Variants in CFAP58 observed in about 807,000 individuals in gnomAD.
CFAP58 encodes cilia and flagella associated protein 58.
Under a neutral mutation model 119.5 loss-of-function variants are expected in CFAP58, and 88 were observed. That is an observed-to-expected ratio of 0.74 (90% confidence interval 0.62 to 0.88). CFAP58 has a LOEUF of 0.88. CFAP58 is among the 40% of genes least tolerant of loss of function. The pLI, the probability that CFAP58 is intolerant of heterozygous loss-of-function variation, is 0.00. For missense variants in CFAP58, 990 were observed against 1,021.2 expected, an observed-to-expected ratio of 0.97 and a Z score of 0.42; for synonymous variants, 365 against 366.3, an observed-to-expected ratio of 1.00 and a Z score of 0.04.
chr10:104,435,436 T>C (rs2012917590), intron 15 of CFAP58, among the ~76,000 whole-genome samples: 2 of 152,160 alleles, frequency 1.3e-5, no homozygotes, highest in South Asian at 4.1e-4. Flanking sequence ...GAGCCAAGAT[T>C]GTGCCACAGC....
intron 1 of CFAP58, 79 bp from the exon 2 acceptor site, chr10:104,358,262 G>T: frequency 1.4e-6 from 2 of 1,421,456 alleles, no homozygotes; most frequent in East Asian, 4.7e-5. Flanking sequence ...GTTTCATTCA[G>T]AGGTAATAGC....
intron 14 of CFAP58, among the ~76,000 whole-genome samples, chr10:104,404,061 A>G (rs917345377): frequency 6.6e-6 from 1 of 152,204 alleles, no homozygotes; most frequent in Admixed American, 6.5e-5. Context: ...TTTCTACCTA[A>G]AGAAAGCCCA....
In CFAP58 at chr10:104,447,702, A is replaced by T; in HGVS notation, c.2261A>T (p.Lys754Met). Reference protein sequence around the residue: ...VVEKELLLQEKEKLYMELKHV... With the variant: ...VVEKELLLQEMEKLYMELKHV... ...CCTGGTTCTGCTCTCCACTAGGAAA[A>T]GGAGAAACTCTACATGGAACTAAAG... Residue 754 changes from lysine (K) to methionine (M), a missense_variant, in exon 16 of 18, where the codon AAG becomes ATG. Coordinates refer to ENST00000369704, the MANE Select transcript of CFAP58 (RefSeq NM_001008723.2). 6.2e-7 allele frequency: 1 copy of T among 1,613,928 alleles called. No individual in the cohort carries two copies. The highest frequency in any genetic ancestry group is 8.5e-7 in the Non-Finnish European group (1 of 1,179,942).
At chr10:104,441,829 G>A (rs74157110) in intron 15 of CFAP58, among the ~76,000 whole-genome samples, 126 of 152,236 alleles carry the variant, frequency 8.3e-4, no homozygotes, top group African/African-American at 2.9e-3. Context: ...GTCCTCTCTA[G>A]GGGGCTTTAC....
At position 104,365,947 on chromosome 10, in the gene CFAP58, A is replaced by T; in HGVS notation, c.731A>T (p.Gln244Leu). Residue 244 changes from glutamine to leucine, a missense_variant, in exon 5 of 18, where the codon CAG becomes CTG. Gln to Leu is a moderately radical substitution (Grantham distance 113, BLOSUM62 -2). Coordinates refer to ENST00000369704, the MANE Select transcript of CFAP58 (RefSeq NM_001008723.2). ...SRQTEIKALQ[Q>L]YVQKSKEELQ... ...CAGACAGAAATAAAAGCCCTGCAGC[A>T]GTATGTGCAGAAGAGCAAGGAGGAG... The T allele has an allele frequency of 1.2e-6, 2 of 1,613,396 alleles. No individual in the cohort carries two copies. Among genetic ancestry groups the T allele is most frequent in the Non-Finnish European group, 1.7e-6 (2 of 1,179,626 alleles).
chr10:104,372,267 C>T lies in CFAP58; in HGVS notation c.1090+1213C>T, dbSNP rs570289584. On this transcript the variant is annotated intron_variant, in intron 7 of 17. Coordinates refer to ENST00000369704, the MANE Select transcript of CFAP58 (RefSeq NM_001008723.2). ...ACTTGGGAGGCTGAGGCAGGAGAATCGCTTGAACCTGGGAGGTGGAGGTTG... is the reference window on the plus strand; with the variant it reads ...ACTTGGGAGGCTGAGGCAGGAGAATTGCTTGAACCTGGGAGGTGGAGGTTG... Among the ~76,000 whole-genome samples, 422 of 152,106 alleles carry T rather than the reference C, an allele frequency of 2.8e-3. 4 individuals carry two copies. The highest frequency in any genetic ancestry group is 9.1e-3 in the African/African-American group (378 of 41,502).
chr10:104,427,019 G>A (rs561550303), intron 15 of CFAP58, among the ~76,000 whole-genome samples: 125 of 152,308 alleles, frequency 8.2e-4, no homozygotes, highest in African/African-American at 2.9e-3. Flanking sequence ...CAGAGTGAAT[G>A]GCCAAGAAGC....
At chr10:104,444,501 A>G (rs1418843781) in intron 15 of CFAP58, among the ~76,000 whole-genome samples, 1 of 152,210 alleles carries the variant, frequency 6.6e-6, no homozygotes, top group Non-Finnish European at 1.5e-5. Flanking sequence ...CCATTGCACA[A>G]TGTTTGAAGA....
chr10:104,347,270 G>A, the CFAP58 span, among the ~76,000 whole-genome samples: 4 of 152,002 alleles, frequency 2.6e-5, no homozygotes, highest in African/African-American at 4.8e-5. Flanking sequence ...CCTGAGCTTC[G>A]GTGCCTCCTC....
intron 15 of CFAP58, among the ~76,000 whole-genome samples, chr10:104,419,418 A>T (rs1235087912): frequency 2.0e-5 from 3 of 152,184 alleles, no homozygotes; most frequent in Non-Finnish European, 4.4e-5. Context: ...AGTGGTTCCC[A>T]AATGCTGATC....
At chr10:104,356,297 G>A (rs183644179) in intron 1 of CFAP58, among the ~76,000 whole-genome samples, 6 of 152,288 alleles carry the variant, frequency 3.9e-5, no homozygotes, top group African/African-American at 1.4e-4. Context: ...CGAAAACCAA[G>A]AATACGTAGA....
At chr10:104,436,153 T>A (rs2012930272) in intron 15 of CFAP58, among the ~76,000 whole-genome samples, 1 of 152,238 alleles carries the variant, frequency 6.6e-6, no homozygotes, top group East Asian at 1.9e-4. Context: ...ACTTAAACAC[T>A]GAGTGCTGTA....
At chr10:104,412,119 A>G (rs1261330420) in intron 15 of CFAP58, among the ~76,000 whole-genome samples, 3 of 152,198 alleles carry the variant, frequency 2.0e-5, no homozygotes, top group Non-Finnish European at 4.4e-5. Flanking sequence ...GAATTGTTTT[A>G]CTCAGCATGT....
At chr10:104,425,218 A>C (rs2012723984) in intron 15 of CFAP58, among the ~76,000 whole-genome samples, 1 of 152,178 alleles carries the variant, frequency 6.6e-6, no homozygotes, top group Non-Finnish European at 1.5e-5. Context: ...GGGCAGAATA[A>C]TAGAATGCTT....
chr10:104,365,238 T>A (rs1350182792), intron 4 of CFAP58, among the ~76,000 whole-genome samples: 6 of 152,174 alleles, frequency 3.9e-5, no homozygotes, highest in Admixed American at 3.3e-4. Flanking sequence ...TTATTTATTT[T>A]TATTAGAAAG....
chr10:104,339,594 T>G, the CFAP58 span, among the ~76,000 whole-genome samples: 2 of 152,178 alleles, frequency 1.3e-5, no homozygotes, highest in Admixed American at 6.5e-5. Flanking sequence ...TTAGATCACC[T>G]TTTTTTCGTC....
At chr10:104,434,436 TC>T (rs1386918897) in intron 15 of CFAP58, among the ~76,000 whole-genome samples, 1 of 152,096 alleles carries the variant, frequency 6.6e-6, no homozygotes, top group Non-Finnish European at 1.5e-5. Flanking sequence ...AGGCCTCAGG[TC>T]TCCTAAGTTA....
chr10:104,363,779 T>C (rs560162567), intron 3 of CFAP58, among the ~76,000 whole-genome samples: 1 of 152,368 alleles, frequency 6.6e-6, no homozygotes, highest in Non-Finnish European at 1.5e-5. Context: ...TTGGTAAATA[T>C]AGTTTGACAA....
At chr10:104,439,205 A>G (rs1216589261) in intron 15 of CFAP58, among the ~76,000 whole-genome samples, 5 of 152,164 alleles carry the variant, frequency 3.3e-5, no homozygotes, top group Admixed American at 1.3e-4. Context: ...TGGTAATGAG[A>G]ATATTCTATT....
Sources: allele counts gnomAD v4.1 joint callset (sites outside exome capture counted in the v4.1 genomes callset), GRCh38; gene constraint gnomAD v4.1.1; transcripts MANE v1.5; gene names NCBI Gene and HGNC (gene_info 2026-07-23, HGNC 2026-07-21).